Variants in IMPG1 observed in about 807,000 individuals in gnomAD.
IMPG1 encodes the protein interphotoreceptor matrix proteoglycan 1.
A neutral mutation model predicts 92.0 loss-of-function variants in IMPG1; 85 were observed. The ratio of observed to expected loss-of-function variants is 0.92; its 90% CI spans 0.78 to 1.11. The LOEUF (loss-of-function observed/expected upper bound fraction) is 1.11. Among genes scored for constraint, IMPG1 ranks in the 50% least tolerant of loss-of-function variants. The pLI, the probability that IMPG1 is intolerant of heterozygous loss-of-function variation, is 0.00. For missense variants in IMPG1, 1,022 were observed against 956.0 expected (o/e 1.07, Z -0.91); for synonymous variants, 367 against 334.1 (o/e 1.10, Z -1.08).
chr6:76,057,224 G>A (rs1473299162), intron 1 of IMPG1, among the ~76,000 whole-genome samples: 1 of 152,140 alleles, frequency 6.6e-6, no homozygotes, highest in Non-Finnish European at 1.5e-5. Flanking sequence ...GATGATCTAT[G>A]CAGCAAACCA....
intron 1 of IMPG1, among the ~76,000 whole-genome samples, chr6:76,064,874 G>T (rs1429479331): frequency 6.6e-6 from 1 of 152,112 alleles, no homozygotes; most frequent in Non-Finnish European, 1.5e-5. Context: ...AGTGCACAGT[G>T]CTGGCTTCCT....
intron 10 of IMPG1, 77 bp downstream of exon 10, chr6:76,005,210 A>G (rs1224334935): frequency 2.8e-6 from 4 of 1,434,188 alleles, no homozygotes; most frequent in Non-Finnish European, 3.8e-6. Context: ...TTAAAATGAC[A>G]GTTTCCATGA....
chr6:75,955,773 C>A (rs117646855), intron 12 of IMPG1, among the ~76,000 whole-genome samples: 1 of 152,274 alleles, frequency 6.6e-6, no homozygotes, highest in East Asian at 1.9e-4. Flanking sequence ...AGATAGGTTC[C>A]ATTAACACCT....
chr6:76,033,237 T>A (rs1783681704), intron 4 of IMPG1, among the ~76,000 whole-genome samples: 1 of 152,142 alleles, frequency 6.6e-6, no homozygotes, highest in Admixed American at 6.5e-5. Flanking sequence ...CAGGTGTGTG[T>A]GTAAATTTTC....
intron 9 of IMPG1, 143 bp downstream of exon 9, chr6:76,007,336 AT>A (rs1189083400): frequency 6.7e-6 from 4 of 600,918 alleles, no homozygotes; most frequent in African/African-American, 3.9e-5. Flanking sequence ...CAATTGTTCA[AT>A]TACTTCCATT....
chr6:75,978,999 C>T (rs968710088), intron 12 of IMPG1, among the ~76,000 whole-genome samples: 2 of 152,144 alleles, frequency 1.3e-5, no homozygotes, highest in African/African-American at 4.8e-5. Flanking sequence ...GAAGCCTCCA[C>T]CTCCTCGGGC....
At chr6:76,003,082 CA>C in intron 11 of IMPG1, 86 bp from the exon 12 acceptor site, 1 of 961,706 alleles carries the variant, frequency 1.0e-6, no homozygotes, top group Non-Finnish European at 1.7e-6. Flanking sequence ...TCAAAATTTT[CA>C]TTTAAATTTA....
intron 12 of IMPG1, among the ~76,000 whole-genome samples, chr6:75,970,520 GTC>G (rs2149465144): frequency 6.6e-6 from 1 of 152,096 alleles, no homozygotes; most frequent in Admixed American, 6.5e-5. Flanking sequence ...GTTACTTTCT[GTC>G]TTCATTTTGA....
At chr6:76,069,395 G>A (rs1784369839) in intron 1 of IMPG1, among the ~76,000 whole-genome samples, 1 of 152,114 alleles carries the variant, frequency 6.6e-6, no homozygotes, top group Non-Finnish European at 1.5e-5. Flanking sequence ...AAAGTAAAAT[G>A]CCTGTGCACA....
intron 12 of IMPG1, among the ~76,000 whole-genome samples, chr6:75,984,561 G>T (rs1236291538): frequency 6.6e-6 from 1 of 152,184 alleles, no homozygotes; most frequent in Non-Finnish European, 1.5e-5. Context: ...GCAAATAAAT[G>T]ATAAGTATGC....
chr6:76,013,902 C>T (rs1013111529), intron 7 of IMPG1, among the ~76,000 whole-genome samples: 1 of 152,176 alleles, frequency 6.6e-6, no homozygotes, highest in South Asian at 2.1e-4. Context: ...TTTTTTCCCC[C>T]AGCAGACTGA....
At chr6:75,959,469 GC>G (rs1048293028) in intron 12 of IMPG1, among the ~76,000 whole-genome samples, 4 of 152,262 alleles carry the variant, frequency 2.6e-5, no homozygotes, top group South Asian at 4.1e-4. Context: ...TGCATCCACA[GC>G]CCCCCCTTCC....
chr6:75,945,682 G>T (rs1271488864), intron 14 of IMPG1, among the ~76,000 whole-genome samples: 1 of 152,110 alleles, frequency 6.6e-6, no homozygotes, highest in Admixed American at 6.6e-5. Flanking sequence ...TGCAGAAATT[G>T]AGTGCTGCAG....
At position 75,922,099 on chromosome 6, in the gene IMPG1, TC is replaced by T; in HGVS notation, c.2383del (p.Glu795LysfsTer6). The stretch of plus-strand genomic sequence containing the variant: ...GTACATTTTCAGTTTTTAATTTCCT[TC>T]CCAATCTTGATGGTTAAATTCTTCA... Reference protein sequence around the residue: ...EYEEFNHQDWEGN With the variant: ...EYEEFNHQDWXGN On this transcript the variant is annotated frameshift_variant, in exon 17 of 17. Coordinates refer to ENST00000369950, the MANE Select transcript of IMPG1 (RefSeq NM_001563.4). LOFTEE classifies it high-confidence loss of function. 1 of 1,330,452 alleles carries T rather than the reference TC, an allele frequency of 7.5e-7. No individual in the cohort carries two copies. Among genetic ancestry groups the T allele is most frequent in the Non-Finnish European group, 1.1e-6 (1 of 934,718 alleles). The allele number at this position is 1,330,452 out of a possible 1,614,324, so 82.4% of individuals were successfully genotyped here.
At chr6:75,961,272 T>C (rs1472401962) in intron 12 of IMPG1, among the ~76,000 whole-genome samples, 1 of 152,206 alleles carries the variant, frequency 6.6e-6, no homozygotes, top group East Asian at 1.9e-4. Context: ...CCAACTCCTT[T>C]ATATCTTTAA....
chr6:76,056,694 A>T (rs1290277010), intron 1 of IMPG1, among the ~76,000 whole-genome samples: 1 of 152,194 alleles, frequency 6.6e-6, no homozygotes, highest in African/African-American at 2.4e-5. Context: ...GCCAACACTT[A>T]TCTGTTGTCT....
chr6:75,949,753 A>G (rs1284620176), intron 13 of IMPG1, among the ~76,000 whole-genome samples: 1 of 152,204 alleles, frequency 6.6e-6, no homozygotes, highest in African/African-American at 2.4e-5. Context: ...GTGGGGAGAT[A>G]GCCCAGATAA....
chr6:75,982,804 T>C (rs780798730), intron 12 of IMPG1, among the ~76,000 whole-genome samples: 2 of 152,112 alleles, frequency 1.3e-5, no homozygotes, highest in Non-Finnish European at 2.9e-5. Flanking sequence ...GCTATGATTC[T>C]GCATTAACCA....
chr6:75,927,669 G>A (rs185917012), intron 15 of IMPG1, among the ~76,000 whole-genome samples: 1 of 151,826 alleles, frequency 6.6e-6, no homozygotes, highest in East Asian at 2.0e-4. Flanking sequence ...GCAAAATTGG[G>A]GTAATAAGGG....
Sources: gnomAD v4.1 joint callset for allele counts (sites outside exome capture counted in the v4.1 genomes callset) on GRCh38, gnomAD v4.1.1 for gene constraint, MANE v1.5 for transcripts, NCBI Gene and HGNC (gene_info 2026-07-23, HGNC 2026-07-21) for gene names.